The following XRCC4 variants were observed in gnomAD, a reference collection of about 807,000 sequenced individuals.
XRCC4 encodes DNA repair protein XRCC4.
In XRCC4, 28 loss-of-function variants were observed where a neutral mutation model predicts 39.1. That is an observed-to-expected ratio of 0.72 (90% CI 0.53 to 0.98). The LOEUF (loss-of-function observed/expected upper bound fraction) is 0.98. XRCC4 is among the 50% of genes least tolerant of loss of function. XRCC4 has a pLI of 0.00. For missense variants in XRCC4, 350 were observed against 376.4 expected (o/e 0.93, Z 0.58); for synonymous variants, 123 against 126.4 (o/e 0.97, Z 0.18).
chr5:83,258,325 A>G (rs534364676), intron 6 of XRCC4, among the ~76,000 whole-genome samples: 7 of 152,312 alleles, frequency 4.6e-5, no homozygotes, highest in African/African-American at 1.4e-4. Context: ...TTCCGTGTGT[A>G]CAATATACAT....
chr5:83,272,228 A>G (rs1157191368), intron 7 of XRCC4, among the ~76,000 whole-genome samples: 3 of 152,156 alleles, frequency 2.0e-5, no homozygotes, highest in South Asian at 2.1e-4. Flanking sequence ...TTGTTGTCAC[A>G]TATCAGTCTC....
At chr5:83,278,588 A>C (rs1016645684) in intron 7 of XRCC4, among the ~76,000 whole-genome samples, 1 of 152,230 alleles carries the variant, frequency 6.6e-6, no homozygotes, top group Non-Finnish European at 1.5e-5. Context: ...AGCGCAAAAA[A>C]GCGCCTAAAC....
intron 6 of XRCC4, among the ~76,000 whole-genome samples, chr5:83,224,712 G>A (rs1316555450): frequency 6.6e-6 from 1 of 151,984 alleles, no homozygotes; most frequent in East Asian, 1.9e-4. Flanking sequence ...AACTCTCTCA[G>A]CTTTGGTTTC....
intron 3 of XRCC4, among the ~76,000 whole-genome samples, chr5:83,125,894 A>C (rs1314907806): frequency 6.6e-6 from 1 of 151,448 alleles, no homozygotes; most frequent in Non-Finnish European, 1.5e-5. Context: ...GAGACAGGAG[A>C]ATTGCTTCTA....
chr5:83,368,905 CAG>C, the XRCC4 span, among the ~76,000 whole-genome samples: 2 of 152,058 alleles, frequency 1.3e-5, no homozygotes, highest in African/African-American at 4.8e-5. Flanking sequence ...TGATAGGTAA[CAG>C]GGAATATTAA....
chr5:83,187,045 G>A (rs1750480652), intron 3 of XRCC4, among the ~76,000 whole-genome samples: 1 of 53,546 alleles, frequency 1.9e-5, no homozygotes, highest in African/African-American at 8.8e-5. Context: ...CCGGGTTCAC[G>A]CCATTCTCCT....
intron 6 of XRCC4, among the ~76,000 whole-genome samples, chr5:83,251,729 G>GT (rs1485384315): frequency 6.6e-6 from 1 of 152,104 alleles, no homozygotes; most frequent in Non-Finnish European, 1.5e-5. Context: ...GTGTCAGCAG[G>GT]TATTTGTCAT....
intron 7 of XRCC4, among the ~76,000 whole-genome samples, chr5:83,308,821 A>G (rs777163977): frequency 8.5e-5 from 13 of 152,150 alleles, no homozygotes; most frequent in African/African-American, 2.9e-4. Context: ...TATTTGTCCT[A>G]TTTAGTCTCA....
intron 1 of XRCC4, 132 bp from the exon 2 acceptor site, chr5:83,104,778 C>A: frequency 2.9e-6 from 2 of 678,042 alleles, no homozygotes; most frequent in Non-Finnish European, 4.9e-6. Flanking sequence ...ATGGTTGAAC[C>A]TATTATACAG....
chr5:83,197,619 A>G (rs1751007042), intron 4 of XRCC4, among the ~76,000 whole-genome samples: 1 of 152,162 alleles, frequency 6.6e-6, no homozygotes, highest in Non-Finnish European at 1.5e-5. Context: ...GGCACATATT[A>G]TATGTGGCTC....
At chr5:83,209,556 A>G (rs1292930617) in intron 6 of XRCC4, among the ~76,000 whole-genome samples, 1 of 152,118 alleles carries the variant, frequency 6.6e-6, no homozygotes, top group African/African-American at 2.4e-5. Flanking sequence ...GCATGCAAAT[A>G]TTTAGTGGAA....
chr5:83,281,501 TTTG>T (rs1332411374), intron 7 of XRCC4, among the ~76,000 whole-genome samples: 4 of 141,424 alleles, frequency 2.8e-5, no homozygotes, highest in Non-Finnish European at 5.9e-5. Flanking sequence ...TGTTTTTTGT[TTTG>T]TTTTTTTTTT....
chr5:83,232,872 C>T (rs1319685218), intron 6 of XRCC4, among the ~76,000 whole-genome samples: 1 of 152,022 alleles, frequency 6.6e-6, no homozygotes, highest in Admixed American at 6.6e-5. Context: ...AATATTAGGC[C>T]TTCATGGCTC....
intron 2 of XRCC4, among the ~76,000 whole-genome samples, chr5:83,108,653 T>A (rs1041044752): frequency 1.3e-5 from 2 of 151,846 alleles, no homozygotes; most frequent in Non-Finnish European, 2.9e-5. Flanking sequence ...TTTAAATAGA[T>A]GTTCTCTGTT....
chr5:83,144,267 CTGTGTG>C (rs56769195), intron 3 of XRCC4, among the ~76,000 whole-genome samples: 1,883 of 140,118 alleles, frequency 0.013, 28 homozygotes, highest in African/African-American at 0.037. Context: ...TAATATTCCT[CTGTGTG>C]TGTGTGTGTG....
At chr5:83,365,993 C>T in the XRCC4 span, among the ~76,000 whole-genome samples, 1 of 152,068 alleles carries the variant, frequency 6.6e-6, no homozygotes, top group Non-Finnish European at 1.5e-5. Context: ...ATCAATTTTC[C>T]CCTCCTTCAG....
At chr5:83,365,356 G>C in the XRCC4 span, among the ~76,000 whole-genome samples, 1 of 152,052 alleles carries the variant, frequency 6.6e-6, no homozygotes, top group African/African-American at 2.4e-5. Context: ...GCTTAATTTC[G>C]GTCATCACTT....
At chr5:83,253,600 T>C (rs1484393831) in intron 6 of XRCC4, among the ~76,000 whole-genome samples, 2 of 152,030 alleles carry the variant, frequency 1.3e-5, no homozygotes, top group African/African-American at 4.8e-5. Flanking sequence ...TCAAGTATTA[T>C]AGACTCTTTC....
intron 3 of XRCC4, among the ~76,000 whole-genome samples, chr5:83,140,126 T>C (rs1452269948): frequency 6.6e-6 from 1 of 152,194 alleles, no homozygotes; most frequent in African/African-American, 2.4e-5. Flanking sequence ...ATAGGATATA[T>C]GTATATATGA....
Sources: allele counts gnomAD v4.1 joint callset (sites outside exome capture counted in the v4.1 genomes callset), GRCh38; gene constraint gnomAD v4.1.1; transcripts MANE v1.5; gene names NCBI Gene and HGNC (gene_info 2026-07-23, HGNC 2026-07-21).